The following SATL1 variants were observed in gnomAD, a reference collection of about 807,000 sequenced individuals.
SATL1 encodes the protein spermidine/spermine N(1)-acetyltransferase-like protein 1.
A neutral mutation model predicts 51.8 loss-of-function variants in SATL1; 47 were observed. That is an observed-to-expected ratio of 0.91 (90% CI 0.72 to 1.16). The LOEUF (loss-of-function observed/expected upper bound fraction) is 1.16. SATL1 is among the 50% of genes most tolerant of loss of function. The probability of loss-of-function intolerance (pLI) is 0.00; values close to 1 mark genes in which losing one functional copy is unlikely to be tolerated. For synonymous variants in SATL1, 176 were observed against 182.4 expected (o/e 0.97, Z 0.28); for missense variants, 520 against 526.4 (o/e 0.99, Z 0.12).
chrX:85,115,331 A>G (rs1925358919), intron 2 of SATL1, among the ~76,000 whole-genome samples: 2 of 112,667 alleles, frequency 1.8e-5, no homozygotes, highest in Admixed American at 1.9e-4. Context: ...CTATGCAGGC[A>G]GACAAACTGC....
chrX:85,222,307 A>C (rs1399734898), intron 2 of SATL1, among the ~76,000 whole-genome samples: 1 of 111,814 alleles, frequency 8.9e-6, no homozygotes, highest in Admixed American at 9.5e-5. Context: ...CACTTGAGAC[A>C]GTGCCCAGCA....
chrX:85,147,247 A>T (rs1286557510), intron 2 of SATL1, among the ~76,000 whole-genome samples: 1 of 113,784 alleles, frequency 8.8e-6, no homozygotes, highest in Non-Finnish European at 1.9e-5. Context: ...TCAAACTGAA[A>T]GGCGACAGCA....
chrX:85,226,167 T>C (rs2147763413), intron 1 of SATL1, among the ~76,000 whole-genome samples: 1 of 111,281 alleles, frequency 9.0e-6, no homozygotes, highest in African/African-American at 3.3e-5. Context: ...TCTCCTGCAG[T>C]GTCTACTAGA....
chrX:85,111,851 TCTGTAGGTG>T (rs1489271887), intron 2 of SATL1, among the ~76,000 whole-genome samples: 1 of 111,780 alleles, frequency 8.9e-6, no homozygotes, highest in Non-Finnish European at 1.9e-5. Flanking sequence ...ATCCCCTTTT[TCTGTAGGTG>T]CTAAGTAAAA....
chrX:85,152,159 T>C (rs1433837030), intron 2 of SATL1, among the ~76,000 whole-genome samples: 1 of 111,691 alleles, frequency 9.0e-6, no homozygotes, highest in South Asian at 3.8e-4. Flanking sequence ...GGGCGAAGGA[T>C]ATGAACAGAC....
chrX:85,221,983 G>C lies in SATL1; in HGVS notation c.-313+2222C>G, dbSNP rs900504683. Among the ~76,000 whole-genome samples the C allele has an allele frequency of 3.6e-5, 4 of 112,074 alleles. No individual in the cohort carries two copies. The East Asian group carries it at 1.1e-3, about 31-fold the overall frequency. On this transcript the variant is annotated intron_variant, in intron 2 of 7. Coordinates refer to ENST00000644105, the MANE Select transcript of SATL1 (RefSeq NM_001367857.2). ...CCTAAGAACAGGGTCTGGGTGGTTAGAGATTTTGTCTGTATGCACTGAAAA... is the reference window on the plus strand; with the variant it reads ...CCTAAGAACAGGGTCTGGGTGGTTACAGATTTTGTCTGTATGCACTGAAAA...
chrX:85,154,445 C>T (rs1926538419), intron 2 of SATL1, among the ~76,000 whole-genome samples: 1 of 112,060 alleles, frequency 8.9e-6, no homozygotes, highest in African/African-American at 3.2e-5. Context: ...ATCAGATCTA[C>T]CCACCTCACA....
chrX:85,117,489 A>G (rs1254188074), intron 2 of SATL1: 2 of 111,135 alleles, frequency 1.8e-5, no homozygotes, highest in African/African-American at 6.6e-5. Context: ...GAATCTTCTT[A>G]CCTCAGAGCC....
intron 4 of SATL1, among the ~76,000 whole-genome samples, chrX:85,096,862 CAAA>C (rs202038531): frequency 2.3e-5 from 1 of 42,787 alleles, no homozygotes; most frequent in Non-Finnish European, 4.6e-5. Flanking sequence ...CCAGCCCCCT[CAAA>C]AAAAAAAAAG....
intron 2 of SATL1, among the ~76,000 whole-genome samples, chrX:85,181,749 T>A (rs1927208158): frequency 8.9e-6 from 1 of 111,754 alleles, no homozygotes; most frequent in African/African-American, 3.2e-5. Context: ...AAAATTGGAA[T>A]GTGAGCCATC....
At chrX:85,216,241 G>T (rs1317446337) in intron 2 of SATL1, among the ~76,000 whole-genome samples, 1 of 111,044 alleles carries the variant, frequency 9.0e-6, no homozygotes, top group Non-Finnish European at 1.9e-5. Context: ...AATCATTCAT[G>T]AGGAATCTGC....
At chrX:85,181,198 TATATAC>T (rs200208119) in intron 2 of SATL1, among the ~76,000 whole-genome samples, 1 of 90,552 alleles carries the variant, frequency 1.1e-5, no homozygotes, top group African/African-American at 5.4e-5. Flanking sequence ...TATATATATA[TATATAC>T]ACATATATAT....
intron 4 of SATL1, among the ~76,000 whole-genome samples, chrX:85,100,610 G>A (rs190606487): frequency 1.6e-4 from 18 of 111,810 alleles, no homozygotes; most frequent in African/African-American, 5.8e-4. Context: ...ATACAACATC[G>A]GTAGGATGCC....
At chrX:85,159,508 C>T (rs1926668386) in intron 2 of SATL1, among the ~76,000 whole-genome samples, 1 of 111,461 alleles carries the variant, frequency 9.0e-6, no homozygotes, top group Admixed American at 9.5e-5. Context: ...CAATCCCCAC[C>T]TGACTGCCCT....
At chrX:85,100,608 T>C (rs1924868532) in intron 4 of SATL1, among the ~76,000 whole-genome samples, 1 of 111,806 alleles carries the variant, frequency 8.9e-6, no homozygotes, top group Admixed American at 9.5e-5. Context: ...GAATACAACA[T>C]CGGTAGGATG....
In SATL1 at chrX:85,208,618, T is replaced by C. The variant is rs769335524; in HGVS notation, c.-313+15587A>G. 7.1e-5 allele frequency among the ~76,000 whole-genome samples: 8 copies of C among 112,313 alleles called. No homozygotes were observed. In the Admixed American group the frequency reaches 7.5e-4, roughly 11 times the overall value. ...CTAACTGGTGTGAAATGGTATCTCA[T>C]TGAGGTTTTGATTTGCATTTCTCTG... On this transcript the variant is annotated intron_variant, in intron 2 of 7. Coordinates refer to ENST00000644105, the MANE Select transcript of SATL1 (RefSeq NM_001367857.2).
intron 2 of SATL1, among the ~76,000 whole-genome samples, chrX:85,220,644 TAAAAAAAAAAAAAAAAAAAAA>T (rs57383092): frequency 6.9e-3 from 167 of 24,164 alleles, no homozygotes; most frequent in Non-Finnish European, 9.2e-3. Flanking sequence ...ACTTCTGTGT[TAAAAAAAAAAAAAAAAAAAAA>T]AAAAAAAAAA....
chrX:85,237,522 T>C (rs1928504113), intron 1 of SATL1, among the ~76,000 whole-genome samples: 1 of 111,407 alleles, frequency 9.0e-6, no homozygotes, highest in Non-Finnish European at 1.9e-5. Flanking sequence ...ATGCAGAGAA[T>C]GAAACTAGAT....
chrX:85,098,752 A>C (rs1446894857), intron 4 of SATL1, among the ~76,000 whole-genome samples: 1 of 111,755 alleles, frequency 8.9e-6, no homozygotes, highest in Non-Finnish European at 1.9e-5. Flanking sequence ...AAACACTTAG[A>C]GATATGAACG....
Sources: gnomAD v4.1 joint callset for allele counts (sites outside exome capture counted in the v4.1 genomes callset) on GRCh38, gnomAD v4.1.1 for gene constraint, MANE v1.5 for transcripts, NCBI Gene and HGNC (gene_info 2026-07-23, HGNC 2026-07-21) for gene names.